The following LRP1B variants were observed in gnomAD, a reference collection of about 807,000 sequenced individuals.
LRP1B encodes the protein low-density lipoprotein receptor-related protein 1B.
In LRP1B, 217 loss-of-function variants were observed where a neutral mutation model predicts 556.6. That is an observed-to-expected ratio of 0.39 (90% confidence interval 0.35 to 0.44). The LOEUF is 0.44. LRP1B is among the 20% of genes least tolerant of loss of function. The pLI is 1.00. For missense variants in LRP1B, 5,053 were observed against 5,620.8 expected, an observed-to-expected ratio of 0.90 and a Z score of 3.23; for synonymous variants, 2,047 against 1,865.8, an observed-to-expected ratio of 1.10 and a Z score of -2.50.
intron 86 of LRP1B, among the ~76,000 whole-genome samples, chr2:140,265,021 G>T (rs1682135528): frequency 1.3e-5 from 2 of 152,052 alleles, no homozygotes; most frequent in African/African-American, 4.8e-5. Flanking sequence ...GGGGCAGGTA[G>T]GGTAATTACA....
intron 41 of LRP1B, among the ~76,000 whole-genome samples, chr2:140,689,770 C>T (rs750129811): frequency 4.4e-4 from 67 of 152,124 alleles, no homozygotes; most frequent in African/African-American, 3.9e-4. Context: ...AATTCCAGAG[C>T]CAACCACAGG....
chr2:140,410,090 C>T (rs138131105), intron 66 of LRP1B, among the ~76,000 whole-genome samples: 6 of 152,094 alleles, frequency 3.9e-5, no homozygotes, highest in South Asian at 2.1e-4. Context: ...GAGATAAATA[C>T]GGACAACATT....
At chr2:140,922,804 T>C (rs190291001) in intron 21 of LRP1B, among the ~76,000 whole-genome samples, 161 bp downstream of exon 21, 1 of 152,210 alleles carries the variant, frequency 6.6e-6, no homozygotes, top group Admixed American at 6.6e-5. Flanking sequence ...CTAGCCCCAT[T>C]GATAGTTCTC....
intron 3 of LRP1B, among the ~76,000 whole-genome samples, chr2:141,357,299 C>A (rs1688663777): frequency 6.6e-6 from 1 of 152,088 alleles, no homozygotes; most frequent in Non-Finnish European, 1.5e-5. Flanking sequence ...TGTGATCCAC[C>A]TGCCTCCGCT....
intron 47 of LRP1B, among the ~76,000 whole-genome samples, chr2:140,528,805 A>G (rs942933646): frequency 1.3e-5 from 2 of 152,002 alleles, no homozygotes; most frequent in Admixed American, 1.3e-4. Context: ...AATAGTAGGA[A>G]CTTCATTAAA....
At chr2:140,697,409 AAT>A (rs943584405) in intron 41 of LRP1B, among the ~76,000 whole-genome samples, 1 of 151,874 alleles carries the variant, frequency 6.6e-6, no homozygotes, top group South Asian at 2.1e-4. Context: ...CTATTATATG[AAT>A]ATATATATAC....
chr2:141,649,348 C>G (rs1178543497), intron 2 of LRP1B, among the ~76,000 whole-genome samples: 1 of 152,106 alleles, frequency 6.6e-6, no homozygotes, highest in Non-Finnish European at 1.5e-5. Context: ...TCCCATTGTT[C>G]TTAGCAAATT....
At chr2:140,455,728 A>G (rs955298604) in intron 62 of LRP1B, among the ~76,000 whole-genome samples, 1 of 152,212 alleles carries the variant, frequency 6.6e-6, no homozygotes, top group Non-Finnish European at 1.5e-5. Context: ...TTGCAATGAA[A>G]TCATTGCTAG....
intron 33 of LRP1B, among the ~76,000 whole-genome samples, chr2:140,771,758 T>A (rs1427358477): frequency 6.6e-6 from 1 of 152,216 alleles, no homozygotes; most frequent in African/African-American, 2.4e-5. Flanking sequence ...AGAAAGTTCA[T>A]TAAAAATCCC....
intron 35 of LRP1B, among the ~76,000 whole-genome samples, chr2:140,750,310 G>A (rs895439907): frequency 6.6e-6 from 1 of 152,116 alleles, no homozygotes. Flanking sequence ...AGGGCATGAA[G>A]AATTCCCTAA....
At chr2:140,361,828 C>T (rs943912907) in intron 72 of LRP1B, among the ~76,000 whole-genome samples, 2 of 151,464 alleles carry the variant, frequency 1.3e-5, no homozygotes, top group Admixed American at 6.6e-5. Context: ...CTGTAGACTA[C>T]CTCTTTCCTT....
intron 32 of LRP1B, among the ~76,000 whole-genome samples, chr2:140,798,010 C>T (rs557472079): frequency 1.3e-5 from 2 of 152,194 alleles, no homozygotes; most frequent in African/African-American, 4.8e-5. Context: ...ATTTTTCAGG[C>T]TCCTTCCTCC....
At chr2:140,746,915 G>T (rs895045433) in intron 35 of LRP1B, among the ~76,000 whole-genome samples, 1 of 151,746 alleles carries the variant, frequency 6.6e-6, no homozygotes, top group Non-Finnish European at 1.5e-5. Context: ...CTTTCAAACA[G>T]ACTTATGAAA....
At position 141,864,295 on chromosome 2, in the gene LRP1B, A is replaced by C. The variant is rs1328044020; in HGVS notation, c.83-53894T>G. ...TAATAAATACAAAAGTTCATGCAAC[A>C]ATGGAAACTACTTTTAATTTCCTTG... On this transcript the variant is annotated intron_variant, in intron 1 of 90. Coordinates refer to ENST00000389484, the MANE Select transcript of LRP1B (RefSeq NM_018557.3). 3.9e-5 allele frequency among the ~76,000 whole-genome samples: 6 copies of C among 152,334 alleles called. No homozygotes were observed. In the East Asian group the frequency reaches 1.2e-3, roughly 29 times the overall value.
chr2:141,554,196 TATATATCTATA>T (rs1685873007), intron 2 of LRP1B, among the ~76,000 whole-genome samples: 1 of 146,102 alleles, frequency 6.8e-6, no homozygotes, highest in Admixed American at 7.0e-5. Context: ...ATATGGGTTA[TATATATCTATA>T]GGAATAGACC....
chr2:140,936,486 G>A lies in LRP1B; in HGVS notation c.3137-13339C>T, dbSNP rs376822003. 3.3e-5 allele frequency among the ~76,000 whole-genome samples: 5 copies of A among 151,956 alleles called. No individual in the cohort carries two copies. In the South Asian group the frequency reaches 8.3e-4, roughly 25 times the overall value. ...TTAAGACCTTCCCAGATGAACAGATGAACAAAAGCTTAGGGAGTTCCTTAC... is the reference window on the plus strand; with the variant it reads ...TTAAGACCTTCCCAGATGAACAGATAAACAAAAGCTTAGGGAGTTCCTTAC... On this transcript the variant is annotated intron_variant, in intron 20 of 90. Transcript: ENST00000389484.
chr2:141,157,215 A>G (rs1174983137), intron 7 of LRP1B, among the ~76,000 whole-genome samples: 3 of 152,146 alleles, frequency 2.0e-5, no homozygotes, highest in Admixed American at 6.6e-5. Flanking sequence ...ATAAAAGTTT[A>G]TGTGACTTTA....
chr2:140,371,343 T>C, intron 69 of LRP1B, 58 bp from the exon 70 acceptor site: 1 of 846,586 alleles, frequency 1.2e-6, no homozygotes, highest in Non-Finnish European at 1.8e-6. Context: ...GTTTTAGAAA[T>C]AAAAACATAA....
intron 71 of LRP1B, among the ~76,000 whole-genome samples, chr2:140,367,334 T>A (rs1682806467): frequency 6.6e-6 from 1 of 151,758 alleles, no homozygotes; most frequent in Non-Finnish European, 1.5e-5. Context: ...TTGATCTGAA[T>A]AATAGTACAA....
Sources: gnomAD v4.1 joint callset for allele counts (sites outside exome capture counted in the v4.1 genomes callset) on GRCh38, gnomAD v4.1.1 for gene constraint, MANE v1.5 for transcripts, NCBI Gene and HGNC (gene_info 2026-07-23, HGNC 2026-07-21) for gene names.